Variants in RAB3IL1 observed in about 807,000 individuals in gnomAD.
The protein encoded by RAB3IL1 is RAB3A interacting protein like 1.
RAB3IL1 carries 37 observed loss-of-function variants against 49.2 expected under a neutral mutation model. The ratio of observed to expected loss-of-function variants is 0.75; its 90% CI spans 0.58 to 0.99. The LOEUF is 0.99. RAB3IL1 is among the 50% of genes least tolerant of loss of function. The pLI is 0.00. For synonymous variants in RAB3IL1, 193 were observed against 213.9 expected, an observed-to-expected ratio of 0.90 and a Z score of 0.85; for missense variants, 484 against 513.0, an observed-to-expected ratio of 0.94 and a Z score of 0.55.
chr11:61,917,466 G>GCCCCA lies in RAB3IL1; in HGVS notation c.-104_-100dup. On this transcript the variant is annotated 5_prime_UTR_variant, in exon 1 of 10. Transcript: ENST00000394836. ...CGCCGACTCCGCCAGGGGCCGAGCCGCCCCACCGCCTGTCAGCCCTGCCCG... is the reference window on the plus strand; with the variant it reads ...CGCCGACTCCGCCAGGGGCCGAGCCGCCCCACCCCACCGCCTGTCAGCCCTGCCCG... The GCCCCA allele has an allele frequency of 2.6e-6, 3 of 1,160,026 alleles. No individual in the cohort carries two copies. The highest frequency in any genetic ancestry group is 3.2e-6 in the Non-Finnish European group (3 of 943,184). The allele number at this position is 1,160,026 out of a possible 1,614,324, so 71.9% of individuals were successfully genotyped here.
At chr11:61,902,395 C>G (rs1474377338) in intron 8 of RAB3IL1, 47 bp downstream of exon 8, 1 of 1,512,390 alleles carries the variant, frequency 6.6e-7, no homozygotes, top group East Asian at 2.4e-5. Flanking sequence ...TCCCAGCACC[C>G]AGGTGGCCCC....
intron 8 of RAB3IL1, among the ~76,000 whole-genome samples, chr11:61,901,223 CG>C (rs1416235748): frequency 3.3e-5 from 5 of 152,296 alleles, no homozygotes; most frequent in African/African-American, 1.2e-4. Context: ...TCACTGGAAA[CG>C]TGTTTCCAAA....
rs1938735847 is a variant in RAB3IL1 at position 61,898,686 on chromosome 11, A to G, written c.1067-326T>C. On this transcript the variant is annotated intron_variant, in intron 9 of 9. Coordinates refer to ENST00000394836, the MANE Select transcript of RAB3IL1 (RefSeq NM_013401.4). This position sits in a 1 kb window ranked among gnomAD's most constrained non-coding sequence, Gnocchi z 5.1. ...ACCTGGGAACTACATTAGACAAGGC[A>G]CAGATGCCTCCCTGGGGTCTCACAA... 6.6e-6 allele frequency among the ~76,000 whole-genome samples: 1 copy of G among 152,238 alleles called. No individual in the cohort carries two copies. The highest frequency in any genetic ancestry group is 6.5e-5 in the Admixed American group (1 of 15,292).
upstream of RAB3IL1, among the ~76,000 whole-genome samples, chr11:61,920,634 T>G (rs1272516198): frequency 6.6e-6 from 1 of 152,148 alleles, no homozygotes; most frequent in African/African-American, 2.4e-5. Flanking sequence ...CCTTAAAACT[T>G]TGTTATTGGT....
At chr11:61,922,360 T>C (rs942653622), upstream of RAB3IL1, among the ~76,000 whole-genome samples, 3 of 150,110 alleles carry the variant, frequency 2.0e-5, no homozygotes, top group African/African-American at 7.4e-5. Context: ...CCATCTCTAC[T>C]AAAAATACAA....
rs1389606540 is a variant in RAB3IL1 at position 61,906,212 on chromosome 11, A to C, written c.657+254T>G. Reference sequence around the variant, plus strand: ...GCCTCAGGTGCAGAGACCACTACCTACTGCTTGGAGTCAGTGGGGCAGGGA... The same window carrying C: ...GCCTCAGGTGCAGAGACCACTACCTCCTGCTTGGAGTCAGTGGGGCAGGGA... On this transcript the variant is annotated intron_variant, in intron 5 of 9. Coordinates refer to ENST00000394836, the MANE Select transcript of RAB3IL1 (RefSeq NM_013401.4). The surrounding 1 kb of genome is among the most constrained non-coding windows in gnomAD (Gnocchi z 4.6). Among the ~76,000 whole-genome samples the C allele has an allele frequency of 1.3e-5, 2 of 152,070 alleles. No homozygotes were observed. Among genetic ancestry groups the C allele is most frequent in the Non-Finnish European group, 2.9e-5 (2 of 67,996 alleles).
chr11:61,910,600 T>C (rs1346940453), intron 1 of RAB3IL1, among the ~76,000 whole-genome samples: 3 of 152,226 alleles, frequency 2.0e-5, no homozygotes, highest in Admixed American at 6.5e-5. Flanking sequence ...GACCTGGTGC[T>C]GGGTGAATCA....
the RAB3IL1 span, among the ~76,000 whole-genome samples, chr11:61,932,769 A>ATTTTT: frequency 4.5e-5 from 6 of 134,052 alleles, no homozygotes; most frequent in East Asian, 2.4e-4. Context: ...ACTATAGTTC[A>ATTTTT]TTTTTTTTTT....
rs146282549 is a variant in RAB3IL1 at position 61,907,649 on chromosome 11, T to C, written c.276A>G (p.Leu92=). 1,812 of 1,613,980 alleles carry C rather than the reference T, an allele frequency of 1.1e-3. 33 individuals are homozygous for C. In the East Asian group the frequency reaches 0.038, roughly 34 times the overall value. The change falls in exon 3 of 10, where the codon CTA becomes CTG. Residue 92 remains leucine, a synonymous_variant. Transcript: ENST00000394836. ...ELHRAQKELK[L]KDEECERLSK... is the part of the protein sequence containing the mutation. ...ACAGCCGCTCACATTCCTCGTCCTTTAGCTTCAGCTCCTGGAGGAAAAGAG... is the reference window on the plus strand; with the variant it reads ...ACAGCCGCTCACATTCCTCGTCCTTCAGCTTCAGCTCCTGGAGGAAAAGAG...
intron 1 of RAB3IL1, among the ~76,000 whole-genome samples, chr11:61,912,796 G>A (rs1315623696): frequency 3.9e-5 from 6 of 152,056 alleles, no homozygotes; most frequent in African/African-American, 1.4e-4. Context: ...AAGTACTGGA[G>A]GTGCCACCCA....
rs546927141 is a variant in RAB3IL1, at chr11:61,905,252, C to T, written c.658-370G>A. 7.9e-5 allele frequency among the ~76,000 whole-genome samples: 12 copies of T among 152,314 alleles called. No individual in the cohort carries two copies. The East Asian group carries it at 1.2e-3, about 15-fold the overall frequency. The stretch of plus-strand genomic sequence containing the variant: ...CAGCAGGTACACAAGCACACACAAG[C>T]ACGTGCACACAGGAGGGGACACACA... On this transcript the variant is annotated intron_variant, in intron 5 of 9. Transcript: ENST00000394836.
intron 1 of RAB3IL1, among the ~76,000 whole-genome samples, chr11:61,915,444 T>C (rs1939636143): frequency 6.6e-6 from 1 of 152,130 alleles, no homozygotes; most frequent in East Asian, 1.9e-4. Flanking sequence ...TGACCTGCGA[T>C]CACTCCCACC....
intron 8 of RAB3IL1, 168 bp from the exon 9 acceptor site, chr11:61,899,548 T>A: frequency 1.6e-6 from 1 of 611,342 alleles, no homozygotes; most frequent in Non-Finnish European, 2.9e-6. Context: ...ACAGCATGAC[T>A]AGCCCTGCTG....
upstream of RAB3IL1, among the ~76,000 whole-genome samples, chr11:61,920,769 C>T (rs546025342): frequency 7.9e-5 from 12 of 152,208 alleles, no homozygotes; most frequent in African/African-American, 2.9e-4. Flanking sequence ...ACTAAAAATA[C>T]AAAATTAGCC....
At chr11:61,927,137 C>T in the RAB3IL1 span, among the ~76,000 whole-genome samples, 1 of 152,322 alleles carries the variant, frequency 6.6e-6, no homozygotes. Context: ...AGCCAACGCA[C>T]CCAGCCAGAT....
In RAB3IL1 at chr11:61,908,288, C is replaced by G. The variant is rs779227295; in HGVS notation, c.30G>C (p.Gln10His). The change falls in exon 2 of 10, where the codon CAG becomes CAC. Residue 10 changes from glutamine to histidine, a missense_variant. Transcript: ENST00000394836. The part of the protein sequence containing the change: MWSGPPQPD[Q>H]GLPPPLAAVP... ...CAGCTGCAAGGGGCGGCGGGAGGCC[C>G]TGGTCTGGCTGGGGTGGGCTGGAGA... 7.4e-6 allele frequency: 11 copies of G among 1,486,194 alleles called. No homozygotes were observed. The highest frequency in any genetic ancestry group is 8.9e-6 in the Non-Finnish European group (10 of 1,121,024). 92.1% of individuals were successfully genotyped at this position (1,486,194 alleles called of 1,614,324 possible).
At chr11:61,905,965 A>C (rs1020294426) in intron 5 of RAB3IL1, among the ~76,000 whole-genome samples, 1 of 152,184 alleles carries the variant, frequency 6.6e-6, no homozygotes, top group Non-Finnish European at 1.5e-5. Context: ...GGTGGGACGG[A>C]GACACCTCTC....
At chr11:61,934,448 A>ATGTGTATGTATGTATG in the RAB3IL1 span, among the ~76,000 whole-genome samples, 2 of 20,392 alleles carry the variant, frequency 9.8e-5, no homozygotes, top group Non-Finnish European at 2.6e-4. Flanking sequence ...GTGTGTGTGT[A>ATGTGTATGTATGTATG]TGTATATATA....
At chr11:61,942,700 T>C in the RAB3IL1 span, among the ~76,000 whole-genome samples, 1 of 152,168 alleles carries the variant, frequency 6.6e-6, no homozygotes, top group African/African-American at 2.4e-5. Context: ...TGTATTTCCA[T>C]ACATTAGCAA....
Sources: allele counts gnomAD v4.1 joint callset (sites outside exome capture counted in the v4.1 genomes callset), GRCh38; gene constraint gnomAD v4.1.1; non-coding constraint Gnocchi (gnomAD v3.1); transcripts MANE v1.5; gene names NCBI Gene and HGNC (gene_info 2026-07-23, HGNC 2026-07-21).